The following GRIK3 variants were observed in gnomAD, a reference collection of about 807,000 sequenced individuals.
GRIK3 encodes glutamate receptor ionotropic, kainate 3.
Under a neutral mutation model 102.5 loss-of-function variants are expected in GRIK3, and 29 were observed. The observed-to-expected ratio is 0.28, with a 90% CI of 0.21 to 0.39. GRIK3 has a LOEUF of 0.39. GRIK3 is among the 10% of genes least tolerant of loss of function. The pLI, the probability that GRIK3 is intolerant of heterozygous loss-of-function variation, is 1.00. For missense variants in GRIK3, 908 were observed against 1,252.4 expected, an observed-to-expected ratio of 0.73 and a Z score of 4.15; for synonymous variants, 511 against 504.9, an observed-to-expected ratio of 1.01 and a Z score of -0.16.
intron 11 of GRIK3, among the ~76,000 whole-genome samples, chr1:36,822,674 G>T (rs958407764): frequency 1.3e-5 from 2 of 152,184 alleles, no homozygotes; most frequent in Non-Finnish European, 2.9e-5. Flanking sequence ...GGAGGAGACA[G>T]GGCATCCACT....
chr1:36,969,665 G>T (rs553498791), intron 1 of GRIK3, among the ~76,000 whole-genome samples: 35 of 152,296 alleles, frequency 2.3e-4, no homozygotes, highest in African/African-American at 7.5e-4. Context: ...ATTCGAAAGG[G>T]CTTCATTGTA....
chr1:36,879,557 C>T (rs947175968), intron 3 of GRIK3, among the ~76,000 whole-genome samples: 1 of 152,152 alleles, frequency 6.6e-6, no homozygotes, highest in Admixed American at 6.5e-5. Flanking sequence ...AGTGCGTTTG[C>T]TGGGTTTGTT....
rs765093458 is a variant in GRIK3 at position 36,805,032 on chromosome 1, C to G, written c.2520G>C (p.Val840=). 17 of 1,614,080 alleles carry G rather than the reference C, an allele frequency of 1.1e-5. No homozygotes were observed. The highest frequency in any genetic ancestry group is 1.4e-5 in the Non-Finnish European group (17 of 1,180,050). ...AGLVLSVLVA[V]GEFVYKLRKT... Reference sequence around the variant, plus strand: ...TGCGGAGCTTGTACACAAACTCGCCCACGGCCACCAGCACAGAGAGGACCA... The same window carrying G: ...TGCGGAGCTTGTACACAAACTCGCCGACGGCCACCAGCACAGAGAGGACCA... Residue 840 remains valine, a synonymous_variant, in exon 15 of 16, where the codon GTG becomes GTC. Coordinates refer to ENST00000373091, the MANE Select transcript of GRIK3 (RefSeq NM_000831.4).
At chr1:36,878,661 AGAG>A (rs1310333283) in intron 3 of GRIK3, among the ~76,000 whole-genome samples, 5 of 152,234 alleles carry the variant, frequency 3.3e-5, no homozygotes, top group Non-Finnish European at 1.5e-5. Flanking sequence ...TTGGAAAGAA[AGAG>A]GAGAAGAAAC....
At chr1:36,807,750 C>G (rs932885336) in intron 13 of GRIK3, among the ~76,000 whole-genome samples, 4 of 152,152 alleles carry the variant, frequency 2.6e-5, no homozygotes, top group African/African-American at 9.7e-5. Flanking sequence ...CAGGCAGGAC[C>G]CCTTAGAATT....
At chr1:36,927,345 T>A (rs978495419) in intron 1 of GRIK3, among the ~76,000 whole-genome samples, 1 of 152,208 alleles carries the variant, frequency 6.6e-6, no homozygotes. Flanking sequence ...GAATAGCAAA[T>A]GCAATTCAAC....
chr1:36,830,536 G>A (rs1479761730), intron 10 of GRIK3, among the ~76,000 whole-genome samples: 2 of 152,164 alleles, frequency 1.3e-5, no homozygotes, highest in South Asian at 2.1e-4. Context: ...GAGACCGGGC[G>A]CAGTGGCTCA....
rs1243361912 is a variant in GRIK3, at chr1:36,850,964, A to C, written c.1213-540T>G. Among the ~76,000 whole-genome samples, 1 of 152,240 alleles carries C rather than the reference A, an allele frequency of 6.6e-6. No homozygotes were observed. The highest frequency in any genetic ancestry group is 1.5e-5 in the Non-Finnish European group (1 of 68,038). On this transcript the variant is annotated intron_variant, in intron 8 of 15. Transcript: ENST00000373091. This position sits in a 1 kb window ranked among gnomAD's most constrained non-coding sequence, Gnocchi z 4.0. ...CTAAGGTAGAATAATCTCTCTCTCTACAGCGTCCTTGTGGATATCGGGCCT... is the reference window on the plus strand; with the variant it reads ...CTAAGGTAGAATAATCTCTCTCTCTCCAGCGTCCTTGTGGATATCGGGCCT...
intron 1 of GRIK3, among the ~76,000 whole-genome samples, chr1:36,994,979 A>G (rs1197222290): frequency 6.6e-6 from 1 of 152,134 alleles, no homozygotes; most frequent in Non-Finnish European, 1.5e-5. Flanking sequence ...AGCAGACCAA[A>G]GAGAGCTCAC....
chr1:36,853,610 C>T lies in GRIK3; in HGVS notation c.1212+5G>A, dbSNP rs777441832. ...GCCTGCCCTCCCTCTCCTGAGACCA[C>T]GCACCTTCTCCAGGCCATCCTCTTT... On this transcript the variant is annotated splice_donor_5th_base_variant and intron_variant, in intron 8 of 15. Transcript: ENST00000373091. 16 of 1,590,840 alleles carry T rather than the reference C, an allele frequency of 1.0e-5. No individual in the cohort carries two copies. The highest frequency in any genetic ancestry group is 1.7e-4 in the Middle Eastern group (1 of 6,000).
At chr1:37,031,380 C>T (rs78813966) in intron 1 of GRIK3, among the ~76,000 whole-genome samples, 105 of 152,300 alleles carry the variant, frequency 6.9e-4, no homozygotes, top group South Asian at 1.2e-3. Context: ...AAAGACAGAG[C>T]AATGCAATTC....
chr1:36,850,533 A>C lies in GRIK3; in HGVS notation c.1213-109T>G, dbSNP rs1640572329. The C allele has an allele frequency of 2.9e-6, 2 of 692,040 alleles. No individual in the cohort carries two copies. Among genetic ancestry groups the C allele is most frequent in the Non-Finnish European group, 5.3e-6 (2 of 380,218 alleles). 42.9% of individuals were successfully genotyped at this position (692,040 alleles called of 1,614,324 possible). A position where few individuals can be genotyped will look rare whatever the true frequency, so the allele number is the denominator to read the frequency against. Reference sequence around the variant, plus strand: ...CCCATTCATCATGAGCCTCATTGTCATGATCATCATCATCATCACCACTGC... The same window carrying C: ...CCCATTCATCATGAGCCTCATTGTCCTGATCATCATCATCATCACCACTGC... On this transcript the variant is annotated intron_variant, in intron 8 of 15. Transcript: ENST00000373091. This position sits in a 1 kb window ranked among gnomAD's most constrained non-coding sequence, Gnocchi z 4.0.
At chr1:36,946,419 G>C (rs1221956228) in intron 1 of GRIK3, among the ~76,000 whole-genome samples, 2 of 152,228 alleles carry the variant, frequency 1.3e-5, no homozygotes, top group Non-Finnish European at 2.9e-5. Flanking sequence ...GGCTGCTTCA[G>C]GCTGCAGGAA....
At chr1:36,978,707 C>T (rs998814418) in intron 1 of GRIK3, among the ~76,000 whole-genome samples, 2 of 152,172 alleles carry the variant, frequency 1.3e-5, no homozygotes, top group East Asian at 1.9e-4. Context: ...CCACTCATCT[C>T]TCATCATCTA....
intron 9 of GRIK3, among the ~76,000 whole-genome samples, chr1:36,847,564 C>A (rs897181807): frequency 3.3e-5 from 5 of 152,196 alleles, no homozygotes; most frequent in Admixed American, 3.3e-4. Context: ...AAGCTGAGCT[C>A]ACTGGGGACT....
intron 1 of GRIK3, among the ~76,000 whole-genome samples, chr1:36,944,163 C>T (rs1365527070): frequency 6.6e-6 from 1 of 152,196 alleles, no homozygotes; most frequent in Non-Finnish European, 1.5e-5. Flanking sequence ...CTTATAAATC[C>T]TATTCCCCAA....
At chr1:36,874,765 G>T (rs1297873604) in intron 3 of GRIK3, among the ~76,000 whole-genome samples, 1 of 152,216 alleles carries the variant, frequency 6.6e-6, no homozygotes, top group Non-Finnish European at 1.5e-5. Flanking sequence ...GGACAGGCTG[G>T]ATGCTGGAGC....
At chr1:36,849,150 T>C (rs1366590435) in intron 9 of GRIK3, among the ~76,000 whole-genome samples, 1 of 152,176 alleles carries the variant, frequency 6.6e-6, no homozygotes, top group Non-Finnish European at 1.5e-5. Context: ...CCTGGAAGAA[T>C]GGTTTTTTCC....
chr1:36,942,035 G>A (rs1270968031), intron 1 of GRIK3, among the ~76,000 whole-genome samples: 1 of 152,184 alleles, frequency 6.6e-6, no homozygotes. Context: ...AATCTACAGG[G>A]CCAAGCACTC....
Sources: gnomAD v4.1 joint callset for allele counts (sites outside exome capture counted in the v4.1 genomes callset) on GRCh38, gnomAD v4.1.1 for gene constraint, Gnocchi (gnomAD v3.1) non-coding constraint, MANE v1.5 for transcripts, NCBI Gene and HGNC (gene_info 2026-07-23, HGNC 2026-07-21) for gene names.